The following TACC2 variants were observed in gnomAD, a reference collection of about 807,000 sequenced individuals.
TACC2 encodes transforming acidic coiled-coil containing protein 2, also known as transforming acidic coiled-coil-containing protein 2.
TACC2 carries 137 observed loss-of-function variants against 227.3 expected under a neutral mutation model. That is an observed-to-expected ratio of 0.60 (90% CI 0.52 to 0.69). The LOEUF (loss-of-function observed/expected upper bound fraction) is 0.69, where lower values mean the gene tolerates loss of function less well. Ranked by LOEUF, TACC2 falls within the 30% of genes least tolerant of loss-of-function variation. The pLI, the probability that TACC2 is intolerant of heterozygous loss-of-function variation, is 0.00. For missense variants in TACC2, 3,470 were observed against 3,694.4 expected, an observed-to-expected ratio of 0.94 and a Z score of 1.57; for synonymous variants, 1,523 against 1,487.5, an observed-to-expected ratio of 1.02 and a Z score of -0.55.
At chr10:122,175,194 A>G (rs920520158) in intron 7 of TACC2, among the ~76,000 whole-genome samples, 11 of 152,192 alleles carry the variant, frequency 7.2e-5, no homozygotes, top group African/African-American at 1.2e-4. Flanking sequence ...AGGTCAAGCA[A>G]TTCTCCTGCC....
chr10:122,126,358 A>G (rs1345559702), intron 5 of TACC2, among the ~76,000 whole-genome samples: 5 of 52,344 alleles, frequency 9.6e-5, no homozygotes, highest in Non-Finnish European at 3.1e-4. Context: ...TTGATGTTCA[A>G]ATAGTCCCAG....
chr10:122,064,059 G>A (rs1338246717), intron 3 of TACC2, among the ~76,000 whole-genome samples: 2 of 152,126 alleles, frequency 1.3e-5, no homozygotes, highest in African/African-American at 2.4e-5. Context: ...CTACTTGGGA[G>A]GCTGAGGCAG....
intron 3 of TACC2, among the ~76,000 whole-genome samples, chr10:122,058,212 C>T (rs1452291618): frequency 5.3e-5 from 8 of 152,336 alleles, no homozygotes; most frequent in East Asian, 1.9e-4. Flanking sequence ...TATGCATGCA[C>T]GCCCCTCTTC....
chr10:122,191,625 T>C (rs902724205), intron 7 of TACC2, among the ~76,000 whole-genome samples: 1 of 152,204 alleles, frequency 6.6e-6, no homozygotes, highest in Non-Finnish European at 1.5e-5. Flanking sequence ...AGGCCGTGGG[T>C]TGGACAAGGT....
chr10:122,026,896 G>C (rs1040035936), intron 2 of TACC2, among the ~76,000 whole-genome samples: 2 of 152,096 alleles, frequency 1.3e-5, no homozygotes, highest in African/African-American at 4.8e-5. Context: ...TCCAAGTTTT[G>C]GTGATTATAA....
intron 11 of TACC2, among the ~76,000 whole-genome samples, chr10:122,218,783 G>A (rs1399997479): frequency 6.6e-6 from 1 of 152,010 alleles, no homozygotes; most frequent in Non-Finnish European, 1.5e-5. Context: ...GGAGACTGAG[G>A]CAGGCAGATC....
At chr10:122,045,956 C>T (rs147623471) in intron 2 of TACC2, among the ~76,000 whole-genome samples, 2 of 74 alleles carry the variant, frequency 0.027, no homozygotes, top group East Asian at 0.5. Flanking sequence ...GCATGGATCA[C>T]GAGTCAGGAG....
intron 3 of TACC2, among the ~76,000 whole-genome samples, chr10:122,053,426 G>A (rs1292849301): frequency 6.6e-6 from 1 of 151,952 alleles, no homozygotes; most frequent in Non-Finnish European, 1.5e-5. Flanking sequence ...ATGAGATTTG[G>A]GTGGGGACAC....
chr10:122,160,160 A>G (rs183292406), intron 7 of TACC2, among the ~76,000 whole-genome samples: 135 of 152,206 alleles, frequency 8.9e-4, no homozygotes, highest in Admixed American at 6.3e-3. Context: ...TAAACGTTGA[A>G]CTGCTTTTTA....
chr10:122,217,655 G>T (rs1422417443), intron 11 of TACC2, among the ~76,000 whole-genome samples: 1 of 151,994 alleles, frequency 6.6e-6, no homozygotes, highest in African/African-American at 2.4e-5. Flanking sequence ...AGCTGGGCTG[G>T]TCTCTAACTC....
In TACC2 at chr10:122,226,493, A is replaced by G. The variant is rs2095631546; in HGVS notation, c.7724+12A>G. 1.9e-6 allele frequency: 3 copies of G among 1,578,146 alleles called. No homozygotes were observed. Among genetic ancestry groups the G allele is most frequent in the Non-Finnish European group, 2.6e-6 (3 of 1,149,458 alleles). On this transcript the variant is annotated intron_variant, in intron 13 of 22. Coordinates refer to ENST00000369005, the MANE Select transcript of TACC2 (RefSeq NM_206862.4). ...ACGCCGTGTTCAGGGTATGACTTCC[A>G]TGATGAGAGAGTTACACATCATGCT... is the stretch of plus-strand genomic sequence containing the variant.
At chr10:122,073,777 T>C (rs1591704769) in intron 3 of TACC2, among the ~76,000 whole-genome samples, 1 of 151,916 alleles carries the variant, frequency 6.6e-6, no homozygotes, top group South Asian at 2.1e-4. Context: ...GAAGCTTCAT[T>C]CTTTTTTTTT....
intron 11 of TACC2, among the ~76,000 whole-genome samples, chr10:122,220,435 A>C (rs1373251266): frequency 6.6e-6 from 1 of 152,222 alleles, no homozygotes. Context: ...ATGTGAAGAC[A>C]CAACAGTTGC....
At chr10:122,197,754 G>A (rs1393773923) in intron 8 of TACC2, among the ~76,000 whole-genome samples, 1 of 152,190 alleles carries the variant, frequency 6.6e-6, no homozygotes, top group South Asian at 2.1e-4. Flanking sequence ...GGAGACTTAC[G>A]GTTGGAACTG....
intron 2 of TACC2, among the ~76,000 whole-genome samples, chr10:122,028,705 C>T (rs1326034340): frequency 1.3e-5 from 2 of 151,586 alleles, no homozygotes; most frequent in Non-Finnish European, 2.9e-5. Flanking sequence ...CTTTTCCCAT[C>T]CTGTATACCC....
chr10:122,052,937 A>G (rs2075863761), intron 3 of TACC2, among the ~76,000 whole-genome samples: 1 of 152,216 alleles, frequency 6.6e-6, no homozygotes, highest in South Asian at 2.1e-4. Flanking sequence ...CCTTGGCGTC[A>G]CCAACAAGGA....
intron 7 of TACC2, chr10:122,163,498 T>G: frequency 2.2e-6 from 2 of 921,440 alleles, no homozygotes; most frequent in Non-Finnish European, 2.6e-6. Flanking sequence ...CCAGCCCCGT[T>G]TCCGGAGCCC....
chr10:122,044,369 G>A (rs537973530), intron 2 of TACC2, among the ~76,000 whole-genome samples: 17 of 152,246 alleles, frequency 1.1e-4, no homozygotes, highest in Non-Finnish European at 2.2e-4. Flanking sequence ...GTGAGCATTT[G>A]CCTTCCCTTG....
At chr10:122,214,937 T>G (rs1318573911) in intron 9 of TACC2, among the ~76,000 whole-genome samples, 1 of 152,088 alleles carries the variant, frequency 6.6e-6, no homozygotes, top group Non-Finnish European at 1.5e-5. Flanking sequence ...ACTTTCTATT[T>G]CTGCGTGGCC....
Sources: gnomAD v4.1 joint callset for allele counts (sites outside exome capture counted in the v4.1 genomes callset) on GRCh38, gnomAD v4.1.1 for gene constraint, MANE v1.5 for transcripts, NCBI Gene and HGNC (gene_info 2026-07-23, HGNC 2026-07-21) for gene names.